Variants in GALNT9 observed in about 807,000 individuals in gnomAD.
GALNT9 encodes the protein GalNAc transferase 9.
GALNT9 carries 47 observed loss-of-function variants against 63.1 expected under a neutral mutation model. The ratio of observed to expected loss-of-function variants is 0.75; its 90% CI spans 0.59 to 0.95. The LOEUF (loss-of-function observed/expected upper bound fraction) is 0.95, where lower values mean the gene tolerates loss of function less well. GALNT9 is among the 40% of genes least tolerant of loss of function. The pLI is 0.00. For synonymous variants in GALNT9, 396 were observed against 365.7 expected (o/e 1.08, Z -0.94); for missense variants, 829 against 874.8 (o/e 0.95, Z 0.66).
At chr12:132,262,319 C>A in intron 3 of GALNT9, 140 bp downstream of exon 3, 9 of 1,161,544 alleles carry the variant, frequency 7.7e-6, no homozygotes, top group Non-Finnish European at 1.1e-5. Flanking sequence ...CAGGAGGGAC[C>A]CCCATAGGTT....
At chr12:132,199,466 G>A (rs1246251612) in intron 8 of GALNT9, among the ~76,000 whole-genome samples, 197 bp from the exon 9 acceptor site, 2 of 152,104 alleles carry the variant, frequency 1.3e-5, no homozygotes, top group Non-Finnish European at 2.9e-5. Context: ...AGACATGGAA[G>A]TGTCCGCCAT....
At chr12:132,239,946 G>A (rs1011102170) in intron 6 of GALNT9, among the ~76,000 whole-genome samples, 3 of 152,046 alleles carry the variant, frequency 2.0e-5, no homozygotes, top group African/African-American at 7.3e-5. Context: ...TCAGGCAGCC[G>A]CCTGCCTGGG....
chr12:132,305,129 G>A (rs1483122742), intron 1 of GALNT9, among the ~76,000 whole-genome samples: 9 of 63,118 alleles, frequency 1.4e-4, no homozygotes, highest in East Asian at 7.1e-4. Flanking sequence ...CCTCACCCGG[G>A]CACAGCCTCG....
Position 132,285,691 on chromosome 12 carries a change from C to T in GALNT9, c.419+559G>A, listed in dbSNP as rs190549916. On this transcript the variant is annotated intron_variant, in intron 2 of 10. Transcript: ENST00000328957. ...AGGGCTGGCAGGGCCTGACACAGGG[C>T]GCCTCTGCTGCGTGAGCCATGGTGC... Among the ~76,000 whole-genome samples the T allele has an allele frequency of 1.3e-3, 196 of 152,356 alleles. 1 individual carries two copies. The highest frequency in any genetic ancestry group is 4.2e-3 in the African/African-American group (175 of 41,590).
chr12:132,265,851 CA>C lies in GALNT9; in HGVS notation c.420-3227del, dbSNP rs1879573640. Among the ~76,000 whole-genome samples, 1 of 152,262 alleles carries C rather than the reference CA, an allele frequency of 6.6e-6. No individual in the cohort carries two copies. Among genetic ancestry groups the C allele is most frequent in the Non-Finnish European group, 1.5e-5 (1 of 68,050 alleles). ...CAGCTCATTTTAATAGTAAGAGACA[CA>C]CCCCCAGGTGAGGATTCTATATGTA... is the stretch of plus-strand genomic sequence containing the variant. On this transcript the variant is annotated intron_variant, in intron 2 of 10. Coordinates refer to ENST00000328957, the MANE Select transcript of GALNT9 (RefSeq NM_001122636.2). The surrounding 1 kb of genome is among the most constrained non-coding windows in gnomAD (Gnocchi z 5.3).
chr12:132,242,384 C>A (rs2136903452), intron 6 of GALNT9, among the ~76,000 whole-genome samples: 1 of 8,878 alleles, frequency 1.1e-4, no homozygotes, highest in Non-Finnish European at 1.8e-4. Context: ...CACGCCACAC[C>A]CCCTTCCCGG....
intron 6 of GALNT9, among the ~76,000 whole-genome samples, chr12:132,243,337 G>C (rs1410457586): frequency 1.8e-5 from 2 of 113,738 alleles, no homozygotes; most frequent in Non-Finnish European, 3.7e-5. Context: ...ACCCTTCCCG[G>C]GGGGCCATCA....
Position 132,236,097 on chromosome 12 carries a change from G to T in GALNT9, c.1077+11813C>A, listed in dbSNP as rs1877989775. Among the ~76,000 whole-genome samples, 2 of 146,202 alleles carry T rather than the reference G, an allele frequency of 1.4e-5. No individual in the cohort carries two copies. The highest frequency in any genetic ancestry group is 6.8e-5 in the Admixed American group (1 of 14,706). ...GGCTGGAGTTCAACCCTCGGGACAGGGCAGGAGGGTCCCCCGGGCTGGAGT... is the reference window on the plus strand; with the variant it reads ...GGCTGGAGTTCAACCCTCGGGACAGTGCAGGAGGGTCCCCCGGGCTGGAGT... On this transcript the variant is annotated intron_variant, in intron 6 of 10. Transcript: ENST00000328957. The surrounding 1 kb of genome is among the most constrained non-coding windows in gnomAD (Gnocchi z 5.6).
chr12:132,243,569 C>T (rs868987108), intron 6 of GALNT9, among the ~76,000 whole-genome samples: 1 of 152,200 alleles, frequency 6.6e-6, no homozygotes, highest in Non-Finnish European at 1.5e-5. Flanking sequence ...GTCTCTTCGT[C>T]TGGCTCCCAG....
At chr12:132,251,007 AG>A (rs1555238490) in intron 5 of GALNT9, among the ~76,000 whole-genome samples, 2 of 152,190 alleles carry the variant, frequency 1.3e-5, no homozygotes. Flanking sequence ...CAATCCACGG[AG>A]AAGCTAAGAC....
chr12:132,212,131 C>T (rs1262701494), intron 6 of GALNT9, among the ~76,000 whole-genome samples: 5 of 150,880 alleles, frequency 3.3e-5, no homozygotes, highest in Non-Finnish European at 7.4e-5. Flanking sequence ...ACACGGAAAC[C>T]CCACCCGGGT....
chr12:132,329,178 G>A lies in GALNT9; in HGVS notation c.26C>T (p.Thr9Ile), dbSNP rs1027339627. Reference protein sequence around the residue: MAVARKIRTLLTVNILVFV... With the variant: MAVARKIRILLTVNILVFV... The stretch of plus-strand genomic sequence containing the variant: ...CACCAGGATGTTCACCGTCAGCAAA[G>A]TTCGGATCTTCCTGGCCACCGCCAT... The change falls in exon 1 of 11, where the codon ACT (threonine) becomes ATT (isoleucine). Residue 9 changes from threonine (T) to isoleucine (I), a missense_variant. Transcript: ENST00000328957. 6.5e-7 allele frequency: 1 copy of A among 1,548,448 alleles called. No individual in the cohort carries two copies. Among genetic ancestry groups the A allele is most frequent in the Non-Finnish European group, 8.7e-7 (1 of 1,145,836 alleles).
rs747346451 is a variant in GALNT9 at position 132,197,847 on chromosome 12, AG to A, written c.1609del (p.Leu537Ter). The stretch of plus-strand genomic sequence containing the variant: ...CCGCGCCACATCCTCACACTTCTTC[AG>A]GGTGGGCATGCGGCCCGTGCCGTCA... ...VDDGTGRMPTLKKCEDVARPT... is the reference protein window; with the variant it reads ...VDDGTGRMPTXKKCEDVARPT... On this transcript the variant is annotated frameshift_variant, in exon 10 of 11. Transcript: ENST00000328957. LOFTEE classifies it high-confidence loss of function. 1 of 1,606,638 alleles carries A rather than the reference AG, an allele frequency of 6.2e-7. No individual in the cohort carries two copies. Among genetic ancestry groups the A allele is most frequent in the East Asian group, 2.2e-5 (1 of 44,630 alleles).
chr12:132,304,275 G>A (rs368566773), intron 1 of GALNT9, among the ~76,000 whole-genome samples: 86 of 28,580 alleles, frequency 3.0e-3, no homozygotes, highest in African/African-American at 5.3e-3. Context: ...GCACACCCTC[G>A]CCCGGGCACA....
intron 6 of GALNT9, among the ~76,000 whole-genome samples, chr12:132,237,145 T>C (rs1565994438): frequency 6.6e-6 from 1 of 152,096 alleles, no homozygotes; most frequent in South Asian, 2.1e-4. Context: ...GCAGGCAGTG[T>C]GGGACCCAGG....
intron 2 of GALNT9, chr12:132,278,974 A>ACCCAG (rs1235821535): frequency 2.7e-5 from 4 of 150,144 alleles, no homozygotes; most frequent in Admixed American, 1.3e-4. Context: ...CTGCCCCATC[A>ACCCAG]CCCAGCCCAG....
At chr12:132,204,724 C>T (rs920900889) in intron 6 of GALNT9, among the ~76,000 whole-genome samples, 8 of 152,112 alleles carry the variant, frequency 5.3e-5, no homozygotes, top group Non-Finnish European at 1.0e-4. Flanking sequence ...GAGCCAGCCC[C>T]GTCCCATCCT....
chr12:132,249,881 G>A (rs573388874), intron 5 of GALNT9, among the ~76,000 whole-genome samples: 4 of 152,190 alleles, frequency 2.6e-5, no homozygotes, highest in Admixed American at 1.3e-4. Flanking sequence ...CCCTCGGGGC[G>A]GTTCCGCCAC....
intron 6 of GALNT9, among the ~76,000 whole-genome samples, chr12:132,206,401 A>ACTT (rs1465281185): frequency 6.6e-6 from 1 of 152,140 alleles, no homozygotes; most frequent in Non-Finnish European, 1.5e-5. Flanking sequence ...TAATTCCAGC[A>ACTT]CTTTGGGAGG....
Sources: gnomAD v4.1 joint callset for allele counts (sites outside exome capture counted in the v4.1 genomes callset) on GRCh38, gnomAD v4.1.1 for gene constraint, Gnocchi (gnomAD v3.1) non-coding constraint, MANE v1.5 for transcripts, NCBI Gene and HGNC (gene_info 2026-07-23, HGNC 2026-07-21) for gene names.